TSPAN15: variants seen among roughly 807,000 people sequenced by gnomAD.
TSPAN15 encodes tetraspanin 15.
Under a neutral mutation model 34.5 loss-of-function variants are expected in TSPAN15, and 20 were observed. The observed-to-expected ratio is 0.58, with a 90% confidence interval of 0.41 to 0.84. TSPAN15 has a LOEUF of 0.84. Among genes scored for constraint, TSPAN15 ranks in the 40% least tolerant of loss-of-function variants. The probability of loss-of-function intolerance (pLI) is 0.00; values close to 1 mark genes in which losing one functional copy is unlikely to be tolerated. For missense variants in TSPAN15, 313 were observed against 386.1 expected (o/e 0.81, Z 1.59); for synonymous variants, 155 against 153.9 (o/e 1.01, Z -0.05).
chr10:69,538,280 G>GT, the TSPAN15 span, among the ~76,000 whole-genome samples: 1 of 152,202 alleles, frequency 6.6e-6, no homozygotes, highest in Non-Finnish European at 1.5e-5. Context: ...CTGAATGTGG[G>GT]TCGGAGAAAG....
chr10:69,467,673 C>CACACACACACACACACAA (rs535692277), intron 1 of TSPAN15, among the ~76,000 whole-genome samples: 15 of 76,404 alleles, frequency 2.0e-4, no homozygotes, highest in African/African-American at 4.5e-4. Context: ...CACACACACA[C>CACACACACACACACACAA]ACCTCTTCTT....
intron 1 of TSPAN15, among the ~76,000 whole-genome samples, chr10:69,463,077 G>T (rs1191805901): frequency 1.3e-5 from 2 of 152,234 alleles, no homozygotes; most frequent in African/African-American, 2.4e-5. Context: ...CTTTCCTTTT[G>T]GTTGTCTTCA....
intron 1 of TSPAN15, among the ~76,000 whole-genome samples, chr10:69,460,820 C>T (rs1841236280): frequency 6.6e-6 from 1 of 152,016 alleles, no homozygotes; most frequent in South Asian, 2.1e-4. Flanking sequence ...GGAGGGCGGG[C>T]TACAGAATGT....
intron 1 of TSPAN15, among the ~76,000 whole-genome samples, chr10:69,463,521 T>A (rs1452759473): frequency 6.6e-6 from 1 of 152,042 alleles, no homozygotes; most frequent in Non-Finnish European, 1.5e-5. Flanking sequence ...CAAAAAGGTA[T>A]GTTCTTGGCC....
chr10:69,461,535 GT>G (rs1369097308), intron 1 of TSPAN15, among the ~76,000 whole-genome samples: 2 of 152,178 alleles, frequency 1.3e-5, no homozygotes, highest in Non-Finnish European at 2.9e-5. Flanking sequence ...GACACAGGCT[GT>G]TTCCCATCTC....
chr10:69,460,650 C>T (rs981505985), intron 1 of TSPAN15, among the ~76,000 whole-genome samples: 7 of 152,108 alleles, frequency 4.6e-5, no homozygotes, highest in Non-Finnish European at 8.8e-5. Flanking sequence ...GGCCTGACCA[C>T]CACATTTTGC....
chr10:69,500,760 C>G (rs958248886), intron 5 of TSPAN15, among the ~76,000 whole-genome samples: 1 of 152,134 alleles, frequency 6.6e-6, no homozygotes, highest in African/African-American at 2.4e-5. Flanking sequence ...GCAGAAACAC[C>G]CCCACAGAGA....
chr10:69,506,413 T>C lies in TSPAN15; in HGVS notation c.735+173T>C. 1 of 630,770 alleles carries C rather than the reference T, an allele frequency of 1.6e-6. No homozygotes were observed. Among genetic ancestry groups the C allele is most frequent in the Non-Finnish European group, 2.8e-6 (1 of 358,756 alleles). The allele number at this position is 630,770 out of a possible 1,614,324, so 39.1% of individuals were successfully genotyped here. A position where few individuals can be genotyped will look rare whatever the true frequency, so the allele number is the denominator to read the frequency against. On this transcript the variant is annotated intron_variant, in intron 7 of 7. Coordinates refer to ENST00000373290, the MANE Select transcript of TSPAN15 (RefSeq NM_012339.5). The surrounding 1 kb of genome is among the most constrained non-coding windows in gnomAD (Gnocchi z 4.7). ...GCAATAGCAGTCGTGGCGAAGCTCT[T>C]CCAAGTGCTGCGCAGGCACTGCTGC...
intron 3 of TSPAN15, among the ~76,000 whole-genome samples, chr10:69,489,215 C>T (rs940855689): frequency 6.6e-6 from 1 of 152,188 alleles, no homozygotes; most frequent in African/African-American, 2.4e-5. Context: ...AGGCTGTCTG[C>T]AAGAAGAAAA....
chr10:69,523,434 G>A, the TSPAN15 span: 2 of 568,822 alleles, frequency 3.5e-6, no homozygotes, highest in Non-Finnish European at 6.5e-6. Flanking sequence ...TCATTCCAGA[G>A]GCTAGCAGTA....
Position 69,451,524 on chromosome 10 carries a change from C to T in TSPAN15, c.-71C>T. 1 of 1,293,252 alleles carries T rather than the reference C, an allele frequency of 7.7e-7. No homozygotes were observed. The highest frequency in any genetic ancestry group is 9.8e-7 in the Non-Finnish European group (1 of 1,018,450). 80.1% of individuals were successfully genotyped at this position (1,293,252 alleles called of 1,614,324 possible). ...GTAGCCCGGCAGCCGCAGGTGGGGC[C>T]ACGAGCGCTGGCTGAGGGACCGAGC... is the stretch of plus-strand genomic sequence containing the variant. On this transcript the variant is annotated 5_prime_UTR_variant, in exon 1 of 8. Coordinates refer to ENST00000373290, the MANE Select transcript of TSPAN15 (RefSeq NM_012339.5).
the TSPAN15 span, among the ~76,000 whole-genome samples, chr10:69,532,287 A>G: frequency 6.6e-6 from 1 of 152,248 alleles, no homozygotes; most frequent in South Asian, 2.1e-4. Context: ...CTATACTATA[A>G]GGCCGTAGTC....
the TSPAN15 span, among the ~76,000 whole-genome samples, chr10:69,539,476 GAGAAGGAGAAGA>G: frequency 5.9e-4 from 37 of 62,622 alleles, no homozygotes; most frequent in African/African-American, 2.1e-3. Flanking sequence ...GAAGGAGAAG[GAGAAGGAGAAGA>G]AGAAGAAGAA....
At chr10:69,508,384 T>C (rs1218287381), downstream of TSPAN15, among the ~76,000 whole-genome samples, 1 of 126,946 alleles carries the variant, frequency 7.9e-6, no homozygotes, top group East Asian at 2.7e-4. Flanking sequence ...GAGGTTGTGG[T>C]GAGCCGAGAT....
chr10:69,472,754 G>C (rs748009223), intron 1 of TSPAN15, among the ~76,000 whole-genome samples: 1 of 152,234 alleles, frequency 6.6e-6, no homozygotes, highest in Non-Finnish European at 1.5e-5. Context: ...GGTCCCAGGA[G>C]CTTTTGCGTG....
intron 5 of TSPAN15, 108 bp downstream of exon 5, chr10:69,498,504 C>A: frequency 4.5e-6 from 4 of 895,646 alleles, no homozygotes; most frequent in Non-Finnish European, 5.2e-6. Flanking sequence ...GGGTGGATGG[C>A]AGGGAAGTAG....
At chr10:69,522,629 A>AGATC in the TSPAN15 span, among the ~76,000 whole-genome samples, 1 of 147,272 alleles carries the variant, frequency 6.8e-6, no homozygotes. Context: ...GCCTCCTGTC[A>AGATC]GATCAGTGGT....
At chr10:69,460,215 C>A (rs1211557436) in intron 1 of TSPAN15, among the ~76,000 whole-genome samples, 1 of 151,516 alleles carries the variant, frequency 6.6e-6, no homozygotes, top group Non-Finnish European at 1.5e-5. Context: ...AGAGGCTGGG[C>A]CCCTCCCACC....
chr10:69,504,169 T>C (rs1399934778), intron 5 of TSPAN15, among the ~76,000 whole-genome samples: 2 of 151,882 alleles, frequency 1.3e-5, no homozygotes, highest in Non-Finnish European at 2.9e-5. Context: ...TTCTCTGGGG[T>C]CCTGATCTGC....
Sources: allele counts gnomAD v4.1 joint callset (sites outside exome capture counted in the v4.1 genomes callset), GRCh38; gene constraint gnomAD v4.1.1; non-coding constraint Gnocchi (gnomAD v3.1); transcripts MANE v1.5; gene names NCBI Gene and HGNC (gene_info 2026-07-23, HGNC 2026-07-21).